U2AF2: variants seen among roughly 807,000 people sequenced by gnomAD.
U2AF2 encodes splicing factor U2AF 65 kDa subunit.
Under a neutral mutation model 52.6 loss-of-function variants are expected in U2AF2, and 6 were observed. The ratio of observed to expected loss-of-function variants is 0.11; its 90% CI spans 0.06 to 0.23. U2AF2 has a LOEUF of 0.23. Among genes scored for constraint, U2AF2 ranks in the 10% least tolerant of loss-of-function variants. The pLI, the probability that U2AF2 is intolerant of heterozygous loss-of-function variation, is 1.00. For synonymous variants in U2AF2, 284 were observed against 258.2 expected, an observed-to-expected ratio of 1.10 and a Z score of -0.96; for missense variants, 222 against 677.1, an observed-to-expected ratio of 0.33 and a Z score of 7.46.
At chr19:55,662,256 C>A in intron 5 of U2AF2, 1 of 422,150 alleles carries the variant, frequency 2.4e-6, no homozygotes, top group South Asian at 4.5e-5. Context: ...TCCCCCAACG[C>A]CTGTCCATCG....
Position 55,660,319 on chromosome 19 carries a change from A to G in U2AF2, c.230+98A>G, listed in dbSNP as rs111825792. On this transcript the variant is annotated intron_variant, in intron 3 of 11. Coordinates refer to ENST00000308924, the MANE Select transcript of U2AF2 (RefSeq NM_007279.3). ...CCCGCCCATTTCCAGCCCTGGCCCA[A>G]GCACTGGGAAGAGTCCACTTACCTT... 3.2e-3 allele frequency: 4,507 copies of G among 1,397,558 alleles called. 134 individuals are homozygous for G. The African/African-American group carries it at 0.058, about 18-fold the overall frequency. 86.6% of individuals were successfully genotyped at this position (1,397,558 alleles called of 1,614,324 possible).
intron 11 of U2AF2, among the ~76,000 whole-genome samples, chr19:55,673,045 A>T (rs935314741): frequency 6.6e-6 from 1 of 151,686 alleles, no homozygotes; most frequent in Non-Finnish European, 1.5e-5. Flanking sequence ...CGAGTTAAAG[A>T]AGAGTAGCTG....
At chr19:55,669,726 C>T (rs917537793) in intron 11 of U2AF2, 34 bp downstream of exon 11, 2 of 1,559,174 alleles carry the variant, frequency 1.3e-6, no homozygotes, top group Admixed American at 1.8e-5. Context: ...CTCTCTCACC[C>T]TCTGCCCCTC....
intron 1 of U2AF2, among the ~76,000 whole-genome samples, chr19:55,655,767 G>A (rs1983753558): frequency 6.6e-6 from 1 of 152,260 alleles, no homozygotes; most frequent in Non-Finnish European, 1.5e-5. Flanking sequence ...TGCCCCGTCT[G>A]TTGGTAGTGG....
chr19:55,660,998 C>T (rs1984152593), intron 4 of U2AF2, 40 bp from the exon 5 acceptor site: 1 of 1,543,072 alleles, frequency 6.5e-7, no homozygotes, highest in Non-Finnish European at 8.8e-7. Context: ...ACTGAGCATT[C>T]CCCTGATGGG....
intron 7 of U2AF2, among the ~76,000 whole-genome samples, chr19:55,666,414 G>A (rs1984553248): frequency 6.6e-6 from 1 of 152,236 alleles, no homozygotes; most frequent in Non-Finnish European, 1.5e-5. Flanking sequence ...ATGAGTGGAG[G>A]AACTCAAGAC....
intron 11 of U2AF2, 50 bp from the exon 12 acceptor site, chr19:55,673,880 ACTGG>A: frequency 1.9e-6 from 3 of 1,566,914 alleles, no homozygotes; most frequent in South Asian, 1.2e-5. Flanking sequence ...GTGGACGCTG[ACTGG>A]CTGTTGGGCG....
Position 55,669,524 on chromosome 19 carries a change from T to C in U2AF2, c.1125T>C (p.Thr375=), listed in dbSNP as rs959823184. The C allele has an allele frequency of 1.2e-6, 2 of 1,613,866 alleles. No individual in the cohort carries two copies. Among genetic ancestry groups the C allele is most frequent in the South Asian group, 2.2e-5 (2 of 91,082 alleles). The change falls in exon 11 of 12, where the codon ACT becomes ACC. Residue 375 remains threonine (T), a synonymous_variant. Coordinates refer to ENST00000308924, the MANE Select transcript of U2AF2 (RefSeq NM_007279.3). ...SSQVQMGGHP[T]EVLCLMNMVL... is the part of the protein sequence containing the mutation. ...AGGTGCAGATGGGCGGCCACCCGAC[T>C]GAGGTCCTGTGCCTCATGAACATGG...
At chr19:55,660,762 G>A (rs375952267) in intron 4 of U2AF2, 143 bp downstream of exon 4, 15 of 895,512 alleles carry the variant, frequency 1.7e-5, no homozygotes, top group African/African-American at 3.4e-5. Flanking sequence ...TGGTCTCTGC[G>A]CTTTTGAAGC....
At chr19:55,663,148 C>T (rs1984325458) in intron 6 of U2AF2, among the ~76,000 whole-genome samples, 1 of 147,800 alleles carries the variant, frequency 6.8e-6, no homozygotes, top group Admixed American at 6.8e-5. Context: ...GCAGAGATTT[C>T]TGAGCACTCC....
intron 3 of U2AF2, 21 bp from the exon 4 acceptor site, chr19:55,660,495 C>T (rs762709070): frequency 6.7e-6 from 6 of 899,536 alleles, no homozygotes; most frequent in Non-Finnish European, 9.0e-6. Context: ...CTGCCCCGCT[C>T]TCCCCTCCCA....
chr19:55,660,513 C>CCCGG lies in U2AF2; in HGVS notation c.231-3_231-2insCCGG. On this transcript the variant is annotated splice_polypyrimidine_tract_variant and splice_region_variant and intron_variant, in intron 3 of 11. Coordinates refer to ENST00000308924, the MANE Select transcript of U2AF2 (RefSeq NM_007279.3). ...CCCCGCTCTCCCCTCCCACCTCCCC[C>CCCGG]AGTCGTTCCCCCCGCCACGAGAAGA... 3 of 1,542,036 alleles carry CCCGG rather than the reference C, an allele frequency of 1.9e-6. No homozygotes were observed. The highest frequency in any genetic ancestry group is 2.7e-6 in the Non-Finnish European group (3 of 1,129,614).
Position 55,655,060 on chromosome 19 carries a change from A to T in U2AF2, c.-45A>T, listed in dbSNP as rs749661794. On this transcript the variant is annotated 5_prime_UTR_variant, in exon 1 of 12. Coordinates refer to ENST00000308924, the MANE Select transcript of U2AF2 (RefSeq NM_007279.3). Reference sequence around the variant, plus strand: ...AGCCGAAGCGGCTGGAGCGGGCGGCAAGGCGAGGCGAAAGCTGCACAGGGC... The same window carrying T: ...AGCCGAAGCGGCTGGAGCGGGCGGCTAGGCGAGGCGAAAGCTGCACAGGGC... 1 of 1,602,410 alleles carries T rather than the reference A, an allele frequency of 6.2e-7. No individual in the cohort carries two copies. The highest frequency in any genetic ancestry group is 8.5e-7 in the Non-Finnish European group (1 of 1,176,544).
At chr19:55,656,485 A>G (rs1322689346) in intron 1 of U2AF2, among the ~76,000 whole-genome samples, 1 of 151,348 alleles carries the variant, frequency 6.6e-6, no homozygotes, top group East Asian at 2.1e-4. Context: ...TGCTTTTAAT[A>G]CGTTTATATA....
chr19:55,672,790 C>T (rs927914163), intron 11 of U2AF2, among the ~76,000 whole-genome samples: 10 of 150,486 alleles, frequency 6.6e-5, no homozygotes, highest in South Asian at 2.1e-4. Flanking sequence ...GCAGTGTGCC[C>T]GCCACCACAC....
intron 7 of U2AF2, among the ~76,000 whole-genome samples, chr19:55,664,583 G>A (rs908476109): frequency 1.3e-5 from 2 of 152,156 alleles, no homozygotes; most frequent in African/African-American, 2.4e-5. Flanking sequence ...CTGCTGGCGG[G>A]TACTCACTGT....
chr19:55,657,578 T>A (rs1475274435), intron 1 of U2AF2, among the ~76,000 whole-genome samples: 1 of 152,230 alleles, frequency 6.6e-6, no homozygotes, highest in African/African-American at 2.4e-5. Flanking sequence ...GTCCATCTTA[T>A]AAGCGAGGAG....
intron 7 of U2AF2, among the ~76,000 whole-genome samples, chr19:55,665,537 G>C (rs1200902449): frequency 6.9e-6 from 1 of 144,142 alleles, no homozygotes; most frequent in Non-Finnish European, 1.5e-5. Context: ...GCAGTTCTAC[G>C]ACACAGGGAT....
intron 11 of U2AF2, 76 bp from the exon 12 acceptor site, chr19:55,673,856 AGT>A: frequency 6.5e-7 from 1 of 1,529,156 alleles, no homozygotes; most frequent in African/African-American, 1.4e-5. Context: ...TCCTGCCTTC[AGT>A]GCTGGGGTTG....
Sources: gnomAD v4.1 joint callset for allele counts (sites outside exome capture counted in the v4.1 genomes callset) on GRCh38, gnomAD v4.1.1 for gene constraint, MANE v1.5 for transcripts, NCBI Gene and HGNC (gene_info 2026-07-23, HGNC 2026-07-21) for gene names.